DLC1: variants seen among roughly 807,000 people sequenced by gnomAD.
The protein encoded by DLC1 is rho GTPase-activating protein 7.
DLC1 carries 54 observed loss-of-function variants against 140.3 expected under a neutral mutation model. That is an observed-to-expected ratio of 0.38 (90% confidence interval 0.31 to 0.48). The LOEUF is 0.48. DLC1 is among the 20% of genes least tolerant of loss of function. DLC1 has a pLI of 0.96. For missense variants in DLC1, 2,536 were observed against 1,907.0 expected, an observed-to-expected ratio of 1.33 and a Z score of -6.14; for synonymous variants, 986 against 728.1, an observed-to-expected ratio of 1.35 and a Z score of -5.70.
intron 1 of DLC1, among the ~76,000 whole-genome samples, chr8:13,592,823 A>G (rs1043592767): frequency 6.6e-6 from 1 of 152,082 alleles, no homozygotes; most frequent in Non-Finnish European, 1.5e-5. Flanking sequence ...TGGCTAAGCA[A>G]TGATTTGTCT....
chr8:13,155,089 TTTC>T (rs922125598), intron 5 of DLC1, among the ~76,000 whole-genome samples: 2 of 152,048 alleles, frequency 1.3e-5, no homozygotes, highest in African/African-American at 4.8e-5. Flanking sequence ...ACACACCCTT[TTTC>T]TTCACTAATT....
intron 2 of DLC1, among the ~76,000 whole-genome samples, chr8:13,470,087 G>T (rs1800139207): frequency 6.6e-6 from 1 of 151,636 alleles, no homozygotes; most frequent in African/African-American, 2.4e-5. Context: ...TTCCCCCTTT[G>T]GTGAACCATT....
chr8:13,441,482 C>T (rs1798507896), intron 2 of DLC1, among the ~76,000 whole-genome samples: 1 of 152,214 alleles, frequency 6.6e-6, no homozygotes, highest in African/African-American at 2.4e-5. Flanking sequence ...CCCAAAATCT[C>T]CTTAAGCGGA....
At chr8:13,442,072 T>G (rs999580015) in intron 2 of DLC1, among the ~76,000 whole-genome samples, 3 of 152,196 alleles carry the variant, frequency 2.0e-5, no homozygotes, top group Non-Finnish European at 4.4e-5. Flanking sequence ...TATCTGATCT[T>G]TGACAAACCT....
intron 2 of DLC1, among the ~76,000 whole-genome samples, chr8:13,435,998 T>A (rs1015042644): frequency 6.6e-6 from 1 of 152,224 alleles, no homozygotes; most frequent in African/African-American, 2.4e-5. Flanking sequence ...AGATGATTGT[T>A]AACATTTTTT....
chr8:13,254,381 T>C (rs1348670684), intron 5 of DLC1, among the ~76,000 whole-genome samples: 1 of 152,176 alleles, frequency 6.6e-6, no homozygotes, highest in Non-Finnish European at 1.5e-5. Context: ...CTTCTGGGTT[T>C]CTGTTTTCTA....
intron 2 of DLC1, among the ~76,000 whole-genome samples, chr8:13,475,323 C>G (rs1484538548): frequency 1.3e-5 from 2 of 152,084 alleles, no homozygotes; most frequent in Admixed American, 6.6e-5. Flanking sequence ...TCAAAAAAAT[C>G]TTTACTTTGA....
chr8:13,295,162 T>A (rs1831899403), intron 5 of DLC1, among the ~76,000 whole-genome samples: 1 of 152,204 alleles, frequency 6.6e-6, no homozygotes, highest in East Asian at 1.9e-4. Context: ...AGTGATGAAC[T>A]GTGCTGTTAT....
At chr8:13,117,990 T>A (rs1475494202) in intron 5 of DLC1, among the ~76,000 whole-genome samples, 1 of 145,890 alleles carries the variant, frequency 6.9e-6, no homozygotes, top group Non-Finnish European at 1.5e-5. Context: ...TATTCCTGTC[T>A]TCTTGTTCTC....
rs769907655 is a variant in DLC1 at position 13,499,925 on chromosome 8, A to G, written c.147T>C (p.Thr49=). 2.5e-6 allele frequency: 4 copies of G among 1,614,072 alleles called. No homozygotes were observed. The highest frequency in any genetic ancestry group is 2.5e-6 in the Non-Finnish European group (3 of 1,179,998). ...ACTTCTCTTTGCGGTCCACATTTAG[A>G]GTTGCATCTTTTTCCATACTTGCCT... ...SLQASMEKDA[T]LNVDRKEKCV... is the part of the protein sequence containing the mutation. Residue 49 remains threonine, a synonymous_variant, in exon 2 of 18, where the codon ACT becomes ACC. Coordinates refer to ENST00000276297, the MANE Select transcript of DLC1 (RefSeq NM_182643.3).
intron 2 of DLC1, among the ~76,000 whole-genome samples, chr8:13,432,445 C>T (rs556072784): frequency 5.3e-5 from 8 of 152,130 alleles, no homozygotes; most frequent in East Asian, 1.9e-4. Context: ...TGGAGACATT[C>T]GAATTCTTAT....
At position 13,403,417 on chromosome 8, in the gene DLC1, T is replaced by G. The variant is rs1167202746; in HGVS notation, c.1024-1798A>C. ...CTGAATATTCCAGATAATGGAACAA[T>G]CTGATTAAATAGTAATTAAATCCCA... On this transcript the variant is annotated intron_variant, in intron 2 of 17. Transcript: ENST00000276297. 4.6e-5 allele frequency among the ~76,000 whole-genome samples: 7 copies of G among 152,344 alleles called. No homozygotes were observed. The East Asian group carries it at 1.3e-3, about 29-fold the overall frequency.
At chr8:13,136,389 G>A (rs933709640) in intron 5 of DLC1, among the ~76,000 whole-genome samples, 1 of 152,036 alleles carries the variant, frequency 6.6e-6, no homozygotes, top group Non-Finnish European at 1.5e-5. Flanking sequence ...TTATGTCCAT[G>A]AGTACTCAGT....
At chr8:13,350,999 T>C (rs1834633538) in intron 4 of DLC1, among the ~76,000 whole-genome samples, 1 of 152,258 alleles carries the variant, frequency 6.6e-6, no homozygotes, top group Admixed American at 6.5e-5. Context: ...AGACTTTTGA[T>C]ACAGATGCTT....
intron 5 of DLC1, among the ~76,000 whole-genome samples, chr8:13,208,872 G>A (rs777107251): frequency 2.6e-5 from 4 of 152,008 alleles, no homozygotes; most frequent in Non-Finnish European, 5.9e-5. Context: ...GTTTCTATCA[G>A]AAGAGAAAAA....
At chr8:13,517,366 A>G (rs1168562439), upstream of DLC1, among the ~76,000 whole-genome samples, 6 of 152,202 alleles carry the variant, frequency 3.9e-5, no homozygotes, top group Non-Finnish European at 8.8e-5. Flanking sequence ...TGCCTTTTAG[A>G]TATCTAGAAA....
intron 1 of DLC1, among the ~76,000 whole-genome samples, chr8:13,548,169 G>C (rs1563433537): frequency 6.6e-6 from 1 of 152,018 alleles, no homozygotes; most frequent in Non-Finnish European, 1.5e-5. Flanking sequence ...CATAGTAAAA[G>C]TTCAATATCT....
intron 1 of DLC1, among the ~76,000 whole-genome samples, chr8:13,554,514 G>C (rs1338971500): frequency 3.3e-5 from 5 of 152,058 alleles, no homozygotes; most frequent in African/African-American, 1.2e-4. Context: ...ACACTTCCAG[G>C]TTTTCCCTCC....
intron 5 of DLC1, among the ~76,000 whole-genome samples, chr8:13,187,090 G>C (rs996732922): frequency 3.8e-4 from 58 of 152,150 alleles, no homozygotes; most frequent in East Asian, 5.8e-4. Context: ...CTGTGGATCA[G>C]GTGGCCGTAT....
Sources: gnomAD v4.1 joint callset for allele counts (sites outside exome capture counted in the v4.1 genomes callset) on GRCh38, gnomAD v4.1.1 for gene constraint, MANE v1.5 for transcripts, NCBI Gene and HGNC (gene_info 2026-07-23, HGNC 2026-07-21) for gene names.